The following NME8 variants were observed in gnomAD, a reference collection of about 807,000 sequenced individuals.
NME8 encodes the protein NME/NM23 family member 8, also known as protein NME8.
Under a neutral mutation model 82.3 loss-of-function variants are expected in NME8, and 72 were observed. The observed-to-expected ratio is 0.87, with a 90% CI of 0.72 to 1.06. The LOEUF is 1.06. Among genes scored for constraint, NME8 ranks in the 50% least tolerant of loss-of-function variants. The pLI, the probability that NME8 is intolerant of heterozygous loss-of-function variation, is 0.00. For synonymous variants in NME8, 267 were observed against 228.5 expected (o/e 1.17, Z -1.52); for missense variants, 712 against 685.4 (o/e 1.04, Z -0.43).
intron 11 of NME8, among the ~76,000 whole-genome samples, chr7:37,874,911 T>A (rs1406978415): frequency 6.6e-6 from 1 of 152,168 alleles, no homozygotes; most frequent in Non-Finnish European, 1.5e-5. Flanking sequence ...GTAGATAAAA[T>A]GGGGGGATAT....
intron 12 of NME8, among the ~76,000 whole-genome samples, chr7:37,882,170 G>T (rs546072571): frequency 7.4e-4 from 113 of 152,192 alleles, no homozygotes; most frequent in African/African-American, 2.3e-3. Context: ...TTAGAAATTT[G>T]CCTGTGATTG....
chr7:37,850,135 A>G (rs1320821617), intron 2 of NME8, 125 bp from the exon 3 acceptor site: 3 of 708,788 alleles, frequency 4.2e-6, no homozygotes, highest in African/African-American at 1.8e-5. Context: ...AGATACATAA[A>G]TATATACACC....
In NME8 at chr7:37,867,734, A is replaced by G. The variant is rs1583632294; in HGVS notation, c.654A>G (p.Thr218=). 9 of 1,613,536 alleles carry G rather than the reference A, an allele frequency of 5.6e-6. No homozygotes were observed. The highest frequency in any genetic ancestry group is 7.6e-6 in the Non-Finnish European group (9 of 1,179,524). ...CDFEEFVSFM[T]SGLSYILVVS... Reference sequence around the variant, plus strand: ...TCGAAGAGTTTGTCTCTTTTATGACAAGTGGCTTAAGCTATATTCTAGTTG... The same window carrying G: ...TCGAAGAGTTTGTCTCTTTTATGACGAGTGGCTTAAGCTATATTCTAGTTG... Residue 218 remains threonine (T), a synonymous_variant, in exon 11 of 18, where the codon ACA becomes ACG. Transcript: ENST00000199447.
In NME8 at chr7:37,897,014, C is replaced by T. The variant is rs138317061; in HGVS notation, c.1689C>T (p.Asn563=). The T allele has an allele frequency of 1.2e-6, 2 of 1,613,928 alleles. No individual in the cohort carries two copies. The highest frequency in any genetic ancestry group is 1.7e-6 in the Non-Finnish European group (2 of 1,179,888). The change falls in exon 17 of 18, where the codon AAC becomes AAT. Residue 563 remains asparagine, a synonymous_variant. Coordinates refer to ENST00000199447, the MANE Select transcript of NME8 (RefSeq NM_016616.5). ...AGTTTGGAATAAGTAAATTGAAAAA[C>T]ATTGTCCATGGAGCATCTAACGCCT... The part of the protein sequence containing the change: ...RAQFGISKLK[N]IVHGASNAYE...
chr7:37,855,663 A>AT (rs1260325506), intron 5 of NME8, among the ~76,000 whole-genome samples: 1 of 152,136 alleles, frequency 6.6e-6, no homozygotes, highest in African/African-American at 2.4e-5. Flanking sequence ...ATATGTTAAT[A>AT]TTTTTTAACC....
intron 10 of NME8, among the ~76,000 whole-genome samples, chr7:37,866,654 C>G (rs1357585609): frequency 1.3e-5 from 2 of 152,142 alleles, no homozygotes; most frequent in Non-Finnish European, 1.5e-5. Flanking sequence ...ATGTAGGAGA[C>G]TAGTGACTGG....
chr7:37,867,630 G>T (rs1006889409), intron 10 of NME8, 72 bp from the exon 11 acceptor site: 8 of 1,099,092 alleles, frequency 7.3e-6, no homozygotes, highest in Admixed American at 3.5e-5. Context: ...CATTTGACTT[G>T]GGTAGTGACC....
chr7:37,877,271 A>G (rs1784869842), intron 12 of NME8, among the ~76,000 whole-genome samples: 1 of 152,220 alleles, frequency 6.6e-6, no homozygotes, highest in Admixed American at 6.5e-5. Context: ...AAAGATTTAA[A>G]GCTTCTATGT....
chr7:37,893,824 A>G (rs1213549940), intron 15 of NME8, among the ~76,000 whole-genome samples: 4 of 152,104 alleles, frequency 2.6e-5, no homozygotes, highest in East Asian at 1.9e-4. Flanking sequence ...CTTAGGGCAG[A>G]TCCTGGCCAC....
chr7:37,871,796 G>A (rs1205917992), intron 11 of NME8, among the ~76,000 whole-genome samples: 3 of 152,042 alleles, frequency 2.0e-5, no homozygotes, highest in Non-Finnish European at 4.4e-5. Context: ...CATAGCTATA[G>A]GGAGCTTAAT....
chr7:37,885,472 T>A (rs184900080), intron 14 of NME8, among the ~76,000 whole-genome samples: 1 of 152,274 alleles, frequency 6.6e-6, no homozygotes, highest in East Asian at 1.9e-4. Flanking sequence ...GGTGCTAGGC[T>A]TGGGGCTGGG....
At chr7:37,883,181 G>A (rs1234555965) in intron 12 of NME8, among the ~76,000 whole-genome samples, 1 of 152,090 alleles carries the variant, frequency 6.6e-6, no homozygotes, top group African/African-American at 2.4e-5. Context: ...CTTTTATCGT[G>A]AGTCATTTCA....
intron 11 of NME8, among the ~76,000 whole-genome samples, chr7:37,873,545 A>G (rs1784803789): frequency 6.6e-6 from 1 of 152,176 alleles, no homozygotes; most frequent in Non-Finnish European, 1.5e-5. Flanking sequence ...ACAGAAAATG[A>G]AGTAGTTTTT....
chr7:37,850,692 TGA>T lies in NME8; in HGVS notation c.156_157del (p.Asn54Ter), dbSNP rs765556103. ...GCAATGCAACCTTTATTCAGAAAAT[TGA>T]AAAATGAACTGAACGAAGACGAAAT... On this transcript the variant is annotated frameshift_variant, in exon 5 of 18. Coordinates refer to ENST00000199447, the MANE Select transcript of NME8 (RefSeq NM_016616.5). LOFTEE classifies it high-confidence loss of function. 6.2e-7 allele frequency: 1 copy of T among 1,613,874 alleles called. No homozygotes were observed. The highest frequency in any genetic ancestry group is 1.1e-5 in the South Asian group (1 of 91,088).
chr7:37,865,784 C>T (rs1031300072), intron 10 of NME8, among the ~76,000 whole-genome samples, 167 bp downstream of exon 10: 1 of 151,994 alleles, frequency 6.6e-6, no homozygotes, highest in Non-Finnish European at 1.5e-5. Flanking sequence ...GATAGTGGCT[C>T]TGAAAAAAAT....
chr7:37,871,470 G>C (rs917897602), intron 11 of NME8, among the ~76,000 whole-genome samples: 1 of 152,214 alleles, frequency 6.6e-6, no homozygotes, highest in African/African-American at 2.4e-5. Flanking sequence ...CTACAGATCA[G>C]GAAGGTGTGG....
intron 5 of NME8, among the ~76,000 whole-genome samples, chr7:37,855,718 C>T (rs1452851582): frequency 6.6e-6 from 1 of 152,120 alleles, no homozygotes; most frequent in Non-Finnish European, 1.5e-5. Flanking sequence ...TTAAATTCTC[C>T]AGCTTTAGAT....
intron 16 of NME8, among the ~76,000 whole-genome samples, chr7:37,895,570 T>C: frequency 6.6e-6 from 1 of 152,174 alleles, no homozygotes; most frequent in East Asian, 1.9e-4. Context: ...GTGAACATCA[T>C]TATCGATTTA....
chr7:37,894,761 A>C, intron 16 of NME8, 151 bp downstream of exon 16: 1 of 812,396 alleles, frequency 1.2e-6, no homozygotes, highest in Non-Finnish European at 1.9e-6. Context: ...TCTTTTTTCT[A>C]TTTCCTTACC....
Sources: gnomAD v4.1 joint callset for allele counts (sites outside exome capture counted in the v4.1 genomes callset) on GRCh38, gnomAD v4.1.1 for gene constraint, MANE v1.5 for transcripts, NCBI Gene and HGNC (gene_info 2026-07-23, HGNC 2026-07-21) for gene names.